CHP1: variants seen among roughly 807,000 people sequenced by gnomAD.
CHP1 encodes calcineurin B homologous protein 1.
In CHP1, 11 loss-of-function variants were observed where a neutral mutation model predicts 27.4. The ratio of observed to expected loss-of-function variants is 0.40; its 90% CI spans 0.25 to 0.67. CHP1 has a LOEUF of 0.67. Ranked by LOEUF, CHP1 falls within the 30% of genes least tolerant of loss-of-function variation. The pLI is 0.38. For missense variants in CHP1, 169 were observed against 251.3 expected (o/e 0.67, Z 2.22); for synonymous variants, 89 against 87.4 (o/e 1.02, Z -0.10).
chr15:41,269,073 G>C (rs1467481570), intron 4 of CHP1, among the ~76,000 whole-genome samples: 1 of 152,022 alleles, frequency 6.6e-6, no homozygotes, highest in African/African-American at 2.4e-5. Context: ...AGCCAGGTGT[G>C]GTGTCTGTGG....
At chr15:41,240,025 C>G (rs2140923244) in intron 1 of CHP1, among the ~76,000 whole-genome samples, 1 of 152,260 alleles carries the variant, frequency 6.6e-6, no homozygotes, top group African/African-American at 2.4e-5. Flanking sequence ...ATCCGCCCGC[C>G]TCGGCCTCCC....
chr15:41,267,886 A>T (rs1340069504), intron 4 of CHP1, among the ~76,000 whole-genome samples: 1 of 144,784 alleles, frequency 6.9e-6, no homozygotes, highest in Non-Finnish European at 1.5e-5. Flanking sequence ...GTGAGCCATG[A>T]TTGCACCACT....
Position 41,240,860 on chromosome 15 carries a change from C to CT in CHP1, c.68-2796dup, listed in dbSNP as rs10649918. Among the ~76,000 whole-genome samples the CT allele has an allele frequency of 6.7e-4, 98 of 145,306 alleles. 1 individual carries two copies. The highest frequency in any genetic ancestry group is 7.6e-4 in the Admixed American group (11 of 14,512). ...AAATCTTTTGGGAAACTTAGTAATT[C>CT]TTTTTTTTTTTGAAACAGAGTCTTG... On this transcript the variant is annotated intron_variant, in intron 1 of 6. Transcript: ENST00000334660.
intron 1 of CHP1, among the ~76,000 whole-genome samples, chr15:41,237,639 A>C (rs1404294656): frequency 6.6e-6 from 1 of 152,170 alleles, no homozygotes; most frequent in East Asian, 1.9e-4. Flanking sequence ...ATCTAGAGCT[A>C]CCTTTAGCTG....
chr15:41,278,987 C>T (rs1238961275), intron 6 of CHP1, 98 bp downstream of exon 6: 52 of 1,465,060 alleles, frequency 3.5e-5, no homozygotes, highest in East Asian at 4.7e-5. Context: ...CCAAGGTGGG[C>T]GGATCACGAG....
chr15:41,243,681 A>G lies in CHP1; in HGVS notation c.82A>G (p.Ile28Val). ...GTGCTCTTTAGTTTCCCACAGTCAA[A>G]TCACTCGCCTCTACAGCCGGTTCAC... ...KKETGFSHSQ[I>V]TRLYSRFTSL... is the part of the protein sequence containing the mutation. Residue 28 changes from isoleucine (I) to valine (V), a missense_variant, in exon 2 of 7, where the codon ATC becomes GTC. Transcript: ENST00000334660. The G allele has an allele frequency of 6.2e-7, 1 of 1,614,080 alleles. No homozygotes were observed. Among genetic ancestry groups the G allele is most frequent in the Non-Finnish European group, 8.5e-7 (1 of 1,179,984 alleles).
intron 3 of CHP1, among the ~76,000 whole-genome samples, chr15:41,261,055 A>G (rs1170283505): frequency 6.6e-6 from 1 of 151,628 alleles, no homozygotes; most frequent in Non-Finnish European, 1.5e-5. Context: ...TGGCTGATTG[A>G]TTGATTGATT....
rs1323514131 is a variant in CHP1, at chr15:41,256,972, A to C, written c.203A>C (p.Asn68Thr). Reference sequence around the variant, plus strand: ...AACCCACTGGGGGACCGGATCATCAATGCCTTCTTTCCAGAGGGGTGAGTC... The same window carrying C: ...AACCCACTGGGGGACCGGATCATCACTGCCTTCTTTCCAGAGGGGTGAGTC... ...AINPLGDRII[N>T]AFFPEGEDQV... The change falls in exon 3 of 7, where the codon AAT (asparagine) becomes ACT (threonine). Residue 68 changes from asparagine to threonine, a missense_variant. Coordinates refer to ENST00000334660, the MANE Select transcript of CHP1 (RefSeq NM_007236.5). 6.2e-7 allele frequency: 1 copy of C among 1,614,026 alleles called. No individual in the cohort carries two copies. Among genetic ancestry groups the C allele is most frequent in the Admixed American group, 1.7e-5 (1 of 60,006 alleles).
At chr15:41,235,298 G>T (rs141906809) in intron 1 of CHP1, among the ~76,000 whole-genome samples, 1 of 152,028 alleles carries the variant, frequency 6.6e-6, no homozygotes, top group African/African-American at 2.4e-5. Context: ...GTGGCAGATC[G>T]CTTGAGCCCA....
intron 2 of CHP1, among the ~76,000 whole-genome samples, chr15:41,247,161 G>A (rs563326615): frequency 2.0e-5 from 3 of 152,186 alleles, no homozygotes; most frequent in African/African-American, 7.2e-5. Context: ...TTGAGGCCAG[G>A]AGTTTGAGAT....
intron 4 of CHP1, among the ~76,000 whole-genome samples, chr15:41,267,474 T>C (rs1414849993): frequency 6.6e-6 from 1 of 151,756 alleles, no homozygotes; most frequent in Non-Finnish European, 1.5e-5. Context: ...CCAGCTTGGC[T>C]AACATGGTGA....
intron 2 of CHP1, among the ~76,000 whole-genome samples, chr15:41,252,923 C>T (rs1370181911): frequency 7.6e-6 from 1 of 131,870 alleles, no homozygotes; most frequent in Admixed American, 7.9e-5. Context: ...CTGTATTTCA[C>T]ATGGTTTTTT....
chr15:41,245,642 T>C (rs975584869), intron 2 of CHP1, among the ~76,000 whole-genome samples: 1 of 152,216 alleles, frequency 6.6e-6, no homozygotes, highest in Non-Finnish European at 1.5e-5. Flanking sequence ...AACATTTGAG[T>C]TTACACCTTT....
chr15:41,248,996 T>C (rs2047350068), intron 2 of CHP1, among the ~76,000 whole-genome samples: 1 of 152,120 alleles, frequency 6.6e-6, no homozygotes, highest in Non-Finnish European at 1.5e-5. Context: ...CTACCCCCTC[T>C]AGCCTTAGAA....
chr15:41,239,067 T>TATAGGTAG (rs942832221), intron 1 of CHP1, among the ~76,000 whole-genome samples: 2 of 152,154 alleles, frequency 1.3e-5, no homozygotes, highest in Non-Finnish European at 2.9e-5. Context: ...GTAGCTCCTT[T>TATAGGTAG]ATAGGTAGAT....
intron 2 of CHP1, among the ~76,000 whole-genome samples, chr15:41,253,173 G>A (rs971634302): frequency 4.6e-5 from 7 of 151,246 alleles, no homozygotes; most frequent in South Asian, 2.1e-4. Context: ...TCTTGACCTC[G>A]TGATCCACCT....
At chr15:41,245,614 T>C (rs2047330849) in intron 2 of CHP1, among the ~76,000 whole-genome samples, 1 of 152,228 alleles carries the variant, frequency 6.6e-6, no homozygotes, top group African/African-American at 2.4e-5. Context: ...CATTTGTGTA[T>C]CCATTCAGCA....
chr15:41,245,276 C>T (rs758867855), intron 2 of CHP1, among the ~76,000 whole-genome samples: 3 of 152,164 alleles, frequency 2.0e-5, no homozygotes, highest in Non-Finnish European at 4.4e-5. Context: ...GGCTGGCCAA[C>T]ATGGGGAAAC....
intron 3 of CHP1, among the ~76,000 whole-genome samples, chr15:41,260,527 TG>T (rs2047427658): frequency 6.6e-6 from 1 of 151,726 alleles, no homozygotes; most frequent in African/African-American, 2.4e-5. Flanking sequence ...CTCAAGTAGC[TG>T]GGATTACAGG....
Sources: allele counts gnomAD v4.1 joint callset (sites outside exome capture counted in the v4.1 genomes callset), GRCh38; gene constraint gnomAD v4.1.1; transcripts MANE v1.5; gene names NCBI Gene and HGNC (gene_info 2026-07-23, HGNC 2026-07-21).